Variants in ZNF138 observed in about 807,000 individuals in gnomAD.
ZNF138 encodes zinc finger protein 138 (clone pHZ-32).
A neutral mutation model predicts 33.0 loss-of-function variants in ZNF138; 33 were observed. The observed-to-expected ratio is 1.00, with a 90% CI of 0.76 to 1.34. ZNF138 has a LOEUF of 1.34. Ranked by LOEUF, ZNF138 falls within the 40% of genes most tolerant of loss-of-function variation. The pLI is 0.00. For synonymous variants in ZNF138, 139 were observed against 120.4 expected (o/e 1.15, Z -1.01); for missense variants, 360 against 370.8 (o/e 0.97, Z 0.24).
chr7:64,827,251 CT>C lies in ZNF138; in HGVS notation c.209-4186del, dbSNP rs35317442. Among the ~76,000 whole-genome samples the C allele has an allele frequency of 6.9e-4, 100 of 144,600 alleles. 1 individual carries two copies. In the Middle Eastern group the frequency reaches 0.01, roughly 15 times the overall value. 94.9% of individuals were successfully genotyped at this position (144,600 alleles called of 152,430 possible). On this transcript the variant is annotated intron_variant, in intron 3 of 3. Transcript: ENST00000307355. ...GCCACTGTGCTTGGCCACCATGAAACTTTTTTTTTTTTTTAAGACAGAGTCT... is the reference window on the plus strand; with the variant it reads ...GCCACTGTGCTTGGCCACCATGAAACTTTTTTTTTTTTTAAGACAGAGTCT...
At position 64,794,498 on chromosome 7, in the gene ZNF138, C is replaced by T. The variant is rs1786526830; in HGVS notation, c.-71C>T. 1.9e-6 allele frequency: 3 copies of T among 1,607,694 alleles called. No individual in the cohort carries two copies. The highest frequency in any genetic ancestry group is 2.2e-5 in the South Asian group (2 of 91,032). On this transcript the variant is annotated 5_prime_UTR_variant, in exon 1 of 4. Coordinates refer to ENST00000307355, the MANE Select transcript of ZNF138 (RefSeq NM_001271639.2). ...GTCCTCTTACTCCTAGAGGCCCAGC[C>T]TCTGTGGCGCTGTGATCTGGTTATT...
chr7:64,823,545 A>G (rs1789337081), intron 3 of ZNF138, among the ~76,000 whole-genome samples: 2 of 152,284 alleles, frequency 1.3e-5, no homozygotes, highest in South Asian at 4.1e-4. Context: ...TATGTTGCCC[A>G]GGCTGGTCTC....
chr7:64,824,634 ATGT>A (rs1367396377), intron 3 of ZNF138, among the ~76,000 whole-genome samples: 50 of 152,216 alleles, frequency 3.3e-4, no homozygotes, highest in East Asian at 9.7e-4. Flanking sequence ...TGGAGCCCTG[ATGT>A]TGTACATGCA....
At chr7:64,815,114 A>T in intron 2 of ZNF138, 70 bp downstream of exon 2, 1 of 1,375,236 alleles carries the variant, frequency 7.3e-7, no homozygotes. Flanking sequence ...TTTTGGGTAG[A>T]ATGTCTTTTG....
chr7:64,843,721 A>G, the ZNF138 span, among the ~76,000 whole-genome samples: 1 of 151,806 alleles, frequency 6.6e-6, no homozygotes, highest in Non-Finnish European at 1.5e-5. Context: ...TAGTTGTCTC[A>G]TTTTGTTGAT....
chr7:64,831,666 A>T lies in ZNF138; in HGVS notation c.424A>T (p.Asn142Tyr). Residue 142 changes from asparagine (N) to tyrosine (Y), a missense_variant, in exon 4 of 4, where the codon AAT (asparagine) becomes TAT (tyrosine). Physicochemically the swap from Asn to Tyr is moderately radical, Grantham distance 143. Transcript: ENST00000307355. The part of the protein sequence containing the change: ...KITTSKIFQC[N>Y]KYVKVMHKFS... ...TACCACAAGCAAAATATTTCAATGT[A>T]ATAAATATGTAAAAGTCATGCATAA... 1 of 1,608,850 alleles carries T rather than the reference A, an allele frequency of 6.2e-7. No homozygotes were observed. Among genetic ancestry groups the T allele is most frequent in the Non-Finnish European group, 8.5e-7 (1 of 1,178,092 alleles).
At chr7:64,847,852 A>G in the ZNF138 span, among the ~76,000 whole-genome samples, 2 of 152,086 alleles carry the variant, frequency 1.3e-5, no homozygotes, top group Non-Finnish European at 2.9e-5. Context: ...ATTTACTTTC[A>G]ATGTTAGTAT....
At chr7:64,814,830 G>T (rs1583837135) in intron 1 of ZNF138, 88 bp from the exon 2 acceptor site, 2 of 1,541,650 alleles carry the variant, frequency 1.3e-6, no homozygotes, top group East Asian at 4.6e-5. Flanking sequence ...TTTCCTTACT[G>T]TCTTATTTTA....
intron 3 of ZNF138, among the ~76,000 whole-genome samples, chr7:64,828,475 T>A (rs1789822371): frequency 6.6e-6 from 1 of 152,156 alleles, no homozygotes; most frequent in South Asian, 2.1e-4. Flanking sequence ...TTATGAAGAT[T>A]TATGCTTATA....
chr7:64,850,226 G>T, the ZNF138 span, among the ~76,000 whole-genome samples: 2 of 152,238 alleles, frequency 1.3e-5, no homozygotes, highest in Admixed American at 6.5e-5. Flanking sequence ...AGGTTCCCCA[G>T]TGAGGGTATG....
At chr7:64,822,088 T>C (rs939041812) in intron 3 of ZNF138, among the ~76,000 whole-genome samples, 5 of 150,690 alleles carry the variant, frequency 3.3e-5, no homozygotes, top group Non-Finnish European at 7.4e-5. Flanking sequence ...CTGGCTAATT[T>C]TTTTGTATTT....
At chr7:64,800,520 T>G (rs1344626262) in intron 1 of ZNF138, among the ~76,000 whole-genome samples, 3 of 152,220 alleles carry the variant, frequency 2.0e-5, no homozygotes, top group African/African-American at 7.2e-5. Context: ...CAACCTCATA[T>G]CCCAGAGAAA....
downstream of ZNF138, among the ~76,000 whole-genome samples, chr7:64,837,651 C>T (rs1282291190): frequency 2.0e-5 from 3 of 152,146 alleles, no homozygotes; most frequent in Non-Finnish European, 4.4e-5. Context: ...GCTGTTGGCG[C>T]GTTCCACTTT....
chr7:64,811,499 C>T (rs539133431), intron 1 of ZNF138, among the ~76,000 whole-genome samples: 11 of 152,132 alleles, frequency 7.2e-5, no homozygotes, highest in Non-Finnish European at 1.6e-4. Context: ...GCACCCGCCA[C>T]CATGCCCAAC....
At position 64,831,603 on chromosome 7, in the gene ZNF138, C is replaced by G; in HGVS notation, c.361C>G (p.Gln121Glu). The G allele has an allele frequency of 6.2e-7, 1 of 1,612,280 alleles. No homozygotes were observed. The highest frequency in any genetic ancestry group is 8.5e-7 in the Non-Finnish European group (1 of 1,179,486). Residue 121 changes from glutamine to glutamate, a missense_variant, in exon 4 of 4, where the codon CAA becomes GAA. Coordinates refer to ENST00000307355, the MANE Select transcript of ZNF138 (RefSeq NM_001271639.2). Reference protein sequence around the residue: ...CKSVDECKGHQGGFNGLNQCL... With the variant: ...CKSVDECKGHEGGFNGLNQCL... ...AAGTGTGGATGAGTGTAAGGGACACCAAGGAGGTTTTAATGGACTTAACCA... is the reference window on the plus strand; with the variant it reads ...AAGTGTGGATGAGTGTAAGGGACACGAAGGAGGTTTTAATGGACTTAACCA...
chr7:64,858,486 G>A, the ZNF138 span, among the ~76,000 whole-genome samples: 1 of 152,204 alleles, frequency 6.6e-6, no homozygotes, highest in African/African-American at 2.4e-5. Flanking sequence ...CCTCTGAAAT[G>A]TCAGTATACA....
chr7:64,846,700 AG>A, the ZNF138 span, among the ~76,000 whole-genome samples: 1 of 152,158 alleles, frequency 6.6e-6, no homozygotes, highest in Admixed American at 6.5e-5. Context: ...TTATATCATC[AG>A]GAAAAAAAAT....
intron 3 of ZNF138, among the ~76,000 whole-genome samples, chr7:64,816,302 C>T (rs1203735895): frequency 6.6e-6 from 1 of 151,874 alleles, no homozygotes; most frequent in Non-Finnish European, 1.5e-5. Flanking sequence ...TAACATGGCA[C>T]TTTAACAAAA....
At chr7:64,851,454 AAAT>A in the ZNF138 span, among the ~76,000 whole-genome samples, 9 of 152,332 alleles carry the variant, frequency 5.9e-5, no homozygotes, top group Admixed American at 2.6e-4. Flanking sequence ...GCAAAGGACA[AAAT>A]AATGCTAAGA....
Sources: gnomAD v4.1 joint callset for allele counts (sites outside exome capture counted in the v4.1 genomes callset) on GRCh38, gnomAD v4.1.1 for gene constraint, MANE v1.5 for transcripts, NCBI Gene and HGNC (gene_info 2026-07-23, HGNC 2026-07-21) for gene names.